CALN1: variants seen among roughly 807,000 people sequenced by gnomAD.
CALN1 encodes the protein calcium-binding protein 8.
Under a neutral mutation model 30.6 loss-of-function variants are expected in CALN1, and 17 were observed. That is an observed-to-expected ratio of 0.56 (90% CI 0.38 to 0.83). The LOEUF is 0.83. Among genes scored for constraint, CALN1 ranks in the 40% least tolerant of loss-of-function variants. CALN1 has a pLI of 0.00. For missense variants in CALN1, 291 were observed against 354.9 expected (o/e 0.82, Z 1.45); for synonymous variants, 156 against 131.4 (o/e 1.19, Z -1.28).
intron 4 of CALN1, among the ~76,000 whole-genome samples, chr7:72,048,142 C>T (rs1016496315): frequency 1.3e-5 from 2 of 150,858 alleles, no homozygotes; most frequent in Non-Finnish European, 2.9e-5. Context: ...CAGGTTCAAG[C>T]GATTCCCCTG....
chr7:72,418,206 G>T (rs1289900336), intron 1 of CALN1, among the ~76,000 whole-genome samples: 1 of 151,668 alleles, frequency 6.6e-6, no homozygotes, highest in Non-Finnish European at 1.5e-5. Flanking sequence ...TTACAAGTGA[G>T]AACATGCAGT....
At chr7:72,262,251 G>A (rs567291056) in intron 3 of CALN1, among the ~76,000 whole-genome samples, 2 of 152,330 alleles carry the variant, frequency 1.3e-5, no homozygotes, top group African/African-American at 4.8e-5. Context: ...CCTGATCCTT[G>A]AGAGCATCAC....
At chr7:72,368,507 T>C (rs924903321) in intron 2 of CALN1, among the ~76,000 whole-genome samples, 2 of 151,890 alleles carry the variant, frequency 1.3e-5, no homozygotes, top group African/African-American at 4.8e-5. Context: ...TAAATTTATA[T>C]ACAAGAAAAT....
At chr7:71,996,887 T>TA (rs1584709053) in intron 5 of CALN1, among the ~76,000 whole-genome samples, 2 of 151,778 alleles carry the variant, frequency 1.3e-5, no homozygotes, top group South Asian at 4.2e-4. Context: ...ATAAGAGTTA[T>TA]AAAAAAGAAC....
intron 2 of CALN1, among the ~76,000 whole-genome samples, chr7:72,382,876 C>T (rs556340599): frequency 6.6e-6 from 1 of 152,284 alleles, no homozygotes; most frequent in Non-Finnish European, 1.5e-5. Flanking sequence ...GCAACCTCCA[C>T]CTCCCGGGTT....
intron 5 of CALN1, among the ~76,000 whole-genome samples, chr7:71,921,826 T>TC (rs1034972798): frequency 6.6e-6 from 1 of 150,796 alleles, no homozygotes. Context: ...CTCTGCACCA[T>TC]CCCCCCCGCC....
intron 2 of CALN1, among the ~76,000 whole-genome samples, chr7:72,329,827 A>C (rs1416981550): frequency 1.3e-5 from 2 of 151,582 alleles, no homozygotes; most frequent in Non-Finnish European, 2.9e-5. Flanking sequence ...GGTGCCACGC[A>C]CCTGTAATTC....
rs535028333 is a variant in CALN1 at position 72,253,252 on chromosome 7, T to G, written c.244+25434A>C. On this transcript the variant is annotated intron_variant, in intron 3 of 6. Transcript: ENST00000395275. ...CTAATGCAAATTTTTGATCATTTTA[T>G]GAAAATGTACCAAATTCAGTTATGA... Among the ~76,000 whole-genome samples the G allele has an allele frequency of 1.5e-3, 226 of 152,240 alleles. 1 individual carries two copies. Among genetic ancestry groups the G allele is most frequent in the Non-Finnish European group, 2.4e-3 (166 of 68,042 alleles).
At position 72,023,708 on chromosome 7, in the gene CALN1, T is replaced by C. The variant is rs367652748; in HGVS notation, c.450A>G (p.Ser150=). 6 of 1,613,916 alleles carry C rather than the reference T, an allele frequency of 3.7e-6. No homozygotes were observed. In the African/African-American group the frequency reaches 8.0e-5, roughly 22 times the overall value. ...TCCCAAGAAAACCATCGCGACCTTC[T>C]GAAGACACCAGTTTGGGGCCAAGAA... The part of the protein sequence containing the change: ...MTILGPKLVS[S]EGRDGFLGNT... Residue 150 remains serine (S), a synonymous_variant, in exon 5 of 7, where the codon TCA becomes TCG. Transcript: ENST00000395275.
intron 3 of CALN1, among the ~76,000 whole-genome samples, chr7:72,209,084 T>C (rs1016998122): frequency 7.9e-5 from 11 of 138,418 alleles, no homozygotes; most frequent in Non-Finnish European, 1.4e-4. Flanking sequence ...TCTCCTTCCC[T>C]TCCCTCCTTT....
At chr7:71,904,385 T>C (rs1162037471) in intron 5 of CALN1, among the ~76,000 whole-genome samples, 1 of 152,218 alleles carries the variant, frequency 6.6e-6, no homozygotes, top group African/African-American at 2.4e-5. Flanking sequence ...TAAAATCTTG[T>C]TATTTGCAAC....
chr7:72,336,884 C>T (rs1585529951), intron 2 of CALN1: 1 of 984,994 alleles, frequency 1.0e-6, no homozygotes, highest in Non-Finnish European at 1.2e-6. Context: ...ATCCTCGCTG[C>T]CGCCGGCTCC....
At chr7:72,287,130 AATG>A (rs1372545093) in intron 2 of CALN1, among the ~76,000 whole-genome samples, 1 of 152,178 alleles carries the variant, frequency 6.6e-6, no homozygotes, top group Non-Finnish European at 1.5e-5. Context: ...ACCCAGATTT[AATG>A]ATATTTTGCC....
chr7:72,252,260 C>G (rs1264561071), intron 3 of CALN1, among the ~76,000 whole-genome samples: 1 of 152,126 alleles, frequency 6.6e-6, no homozygotes, highest in Non-Finnish European at 1.5e-5. Flanking sequence ...TCTACACCTA[C>G]CCCGCACCCC....
intron 3 of CALN1, among the ~76,000 whole-genome samples, chr7:72,155,349 G>A (rs554536621): frequency 2.8e-4 from 43 of 151,942 alleles, no homozygotes; most frequent in South Asian, 6.2e-4. Flanking sequence ...AAAATTAGCC[G>A]GGCGTGGTGG....
At position 72,042,959 on chromosome 7, in the gene CALN1, T is replaced by C. The variant is rs553722468; in HGVS notation, c.389-19190A>G. Among the ~76,000 whole-genome samples the C allele has an allele frequency of 4.7e-4, 71 of 152,168 alleles. No individual in the cohort carries two copies. In the South Asian group the frequency reaches 1.0e-2, roughly 21 times the overall value. ...CCAACACTTCTGCACACACCCCCAC[T>C]CTCACTCTCAGTTCCTGAGTCATTC... On this transcript the variant is annotated intron_variant, in intron 4 of 6. Coordinates refer to ENST00000395275, the MANE Select transcript of CALN1 (RefSeq NM_031468.4).
At chr7:72,225,588 C>A (rs755002539) in intron 3 of CALN1, among the ~76,000 whole-genome samples, 3 of 151,942 alleles carry the variant, frequency 2.0e-5, no homozygotes, top group Non-Finnish European at 2.9e-5. Context: ...GATAATTCCA[C>A]GTGTATTCTA....
the CALN1 span, among the ~76,000 whole-genome samples, chr7:72,486,370 A>G: frequency 6.6e-6 from 1 of 152,010 alleles, no homozygotes; most frequent in African/African-American, 2.4e-5. Flanking sequence ...CCTTTTTTAC[A>G]ATACAATAAC....
the CALN1 span, among the ~76,000 whole-genome samples, chr7:72,457,849 A>G: frequency 2.0e-5 from 3 of 149,632 alleles, no homozygotes; most frequent in African/African-American, 7.4e-5. Context: ...TCGACCTCTC[A>G]GGCTCAAGTG....
Sources: allele counts gnomAD v4.1 joint callset (sites outside exome capture counted in the v4.1 genomes callset), GRCh38; gene constraint gnomAD v4.1.1; transcripts MANE v1.5; gene names NCBI Gene and HGNC (gene_info 2026-07-23, HGNC 2026-07-21).